ASMTL: variants seen among roughly 807,000 people sequenced by gnomAD.
The protein encoded by ASMTL is acetylserotonin O-methyltransferase like, also known as probable bifunctional dTTP/UTP pyrophosphatase/methyltransferase protein.
Under a neutral mutation model 60.3 loss-of-function variants are expected in ASMTL, and 57 were observed. The observed-to-expected ratio is 0.95, with a 90% CI of 0.76 to 1.18. ASMTL has a LOEUF of 1.18. ASMTL is among the 50% of genes most tolerant of loss of function. The pLI is 0.00. For synonymous variants in ASMTL, 419 were observed against 373.0 expected (o/e 1.12, Z -1.42); for missense variants, 981 against 852.6 (o/e 1.15, Z -1.88).
chrX:1,406,395 GAT>G (rs2089843618), intron 12 of ASMTL, among the ~76,000 whole-genome samples: 1 of 150,870 alleles, frequency 6.6e-6, no homozygotes, highest in African/African-American at 2.5e-5. Flanking sequence ...TAGGTAGGTA[GAT>G]GAATGGATGG....
chrX:1,439,076 A>G (rs2091044059), intron 3 of ASMTL, 21 bp downstream of exon 3: 2 of 1,613,604 alleles, frequency 1.2e-6, no homozygotes, highest in East Asian at 4.5e-5. Flanking sequence ...ATTAGAAACG[A>G]GGCACCCTGG....
intron 7 of ASMTL, among the ~76,000 whole-genome samples, chrX:1,425,888 C>T (rs747757934): frequency 1.0e-3 from 156 of 152,224 alleles, no homozygotes; most frequent in African/African-American, 3.6e-3. Context: ...AGCACATCAA[C>T]GAATATCATG....
chrX:1,442,351 T>C, intron 1 of ASMTL, 34 bp from the exon 2 acceptor site: 1 of 1,612,798 alleles, frequency 6.2e-7, no homozygotes, highest in African/African-American at 1.3e-5. Context: ...GAAGGGTCAA[T>C]GAAAGACCCT....
Position 1,431,126 on chromosome X carries a change from C to T in ASMTL, c.509+1143G>A, listed in dbSNP as rs867734502. ...ATAATTATATTTTATAATATATAATCATTTTATAATTATATATATAATTAT... is the reference window on the plus strand; with the variant it reads ...ATAATTATATTTTATAATATATAATTATTTTATAATTATATATATAATTAT... On this transcript the variant is annotated intron_variant, in intron 6 of 12. Coordinates refer to ENST00000381317, the MANE Select transcript of ASMTL (RefSeq NM_004192.4). Among the ~76,000 whole-genome samples, 600 of 121,038 alleles carry T rather than the reference C, an allele frequency of 5.0e-3. 7 individuals carry two copies. Among genetic ancestry groups the T allele is most frequent in the African/African-American group, 0.019 (563 of 30,390 alleles). The allele number at this position is 121,038 out of a possible 152,430, so 79.4% of individuals were successfully genotyped here.
intron 12 of ASMTL, among the ~76,000 whole-genome samples, chrX:1,407,732 T>A (rs1362572995): frequency 4.6e-5 from 7 of 151,474 alleles, no homozygotes; most frequent in East Asian, 1.9e-4. Flanking sequence ...TTATTTTTTT[T>A]AAAAAAGGAT....
chrX:1,440,176 T>A (rs1487435979), intron 2 of ASMTL, among the ~76,000 whole-genome samples: 1 of 150,884 alleles, frequency 6.6e-6, no homozygotes, highest in Non-Finnish European at 1.5e-5. Flanking sequence ...AAGCTCCGCC[T>A]CCCGGGTTCA....
Position 1,442,202 on chromosome X carries a change from G to C in ASMTL, c.209C>G (p.Ala70Gly). 6.2e-7 allele frequency: 1 copy of C among 1,613,714 alleles called. No homozygotes were observed. Among genetic ancestry groups the C allele is most frequent in the African/African-American group, 1.3e-5 (1 of 75,008 alleles). ...GCCCCTTGCCTGGTACAGCCGGTTGGCCACCTCCAGGGCCTTCTGCTTGGC... is the reference window on the plus strand; with the variant it reads ...GCCCCTTGCCTGGTACAGCCGGTTGCCCACCTCCAGGGCCTTCTGCTTGGC... ...ETAKQKALEV[A>G]NRLYQKDLRA... The change falls in exon 2 of 13, where the codon GCC (alanine) becomes GGC (glycine). Residue 70 changes from alanine to glycine, a missense_variant. Transcript: ENST00000381317.
intron 3 of ASMTL, among the ~76,000 whole-genome samples, chrX:1,437,989 A>G (rs1438170530): frequency 1.3e-4 from 20 of 149,814 alleles, no homozygotes; most frequent in African/African-American, 4.4e-4. Flanking sequence ...GGTGTTGTTA[A>G]AAGAAGGGGA....
At chrX:1,427,366 G>A (rs1479599369) in intron 7 of ASMTL, among the ~76,000 whole-genome samples, 5 of 152,130 alleles carry the variant, frequency 3.3e-5, no homozygotes, top group Non-Finnish European at 5.9e-5. Context: ...TTTTAAAAAG[G>A]GGTCTTGGCA....
chrX:1,415,732 C>A (rs1291639678), intron 11 of ASMTL, among the ~76,000 whole-genome samples: 1 of 152,230 alleles, frequency 6.6e-6, no homozygotes, highest in Non-Finnish European at 1.5e-5. Context: ...TCCCAGAGTG[C>A]TGGGATTACA....
chrX:1,437,885 G>C (rs1316200683), intron 3 of ASMTL, among the ~76,000 whole-genome samples: 1 of 141,484 alleles, frequency 7.1e-6, no homozygotes, highest in Admixed American at 6.9e-5. Context: ...GACAGAGTGA[G>C]ACTCCATCTC....
At chrX:1,415,089 C>T (rs1429746552) in intron 11 of ASMTL, among the ~76,000 whole-genome samples, 2 of 151,924 alleles carry the variant, frequency 1.3e-5, no homozygotes, top group Non-Finnish European at 2.9e-5. Flanking sequence ...TATAGGCACC[C>T]GCCACCATGC....
intron 12 of ASMTL, among the ~76,000 whole-genome samples, chrX:1,407,173 GTA>G (rs1404136817): frequency 6.9e-6 from 1 of 145,804 alleles, no homozygotes; most frequent in African/African-American, 2.6e-5. Flanking sequence ...ATGAATGGAT[GTA>G]TATAGATGGA....
chrX:1,451,076 T>G (rs1461632428), intron 1 of ASMTL, among the ~76,000 whole-genome samples: 4 of 130,170 alleles, frequency 3.1e-5, no homozygotes, highest in Non-Finnish European at 6.5e-5. Flanking sequence ...TACCTAGGGA[T>G]TCCGGATCAC....
intron 12 of ASMTL, among the ~76,000 whole-genome samples, chrX:1,411,973 G>A (rs1396355591): frequency 1.3e-5 from 2 of 151,808 alleles, no homozygotes; most frequent in East Asian, 2.0e-4. Flanking sequence ...TATCAAGCCC[G>A]GCTTATTTTT....
chrX:1,407,909 G>A (rs1271616028), intron 12 of ASMTL, among the ~76,000 whole-genome samples: 1 of 151,768 alleles, frequency 6.6e-6, no homozygotes, highest in Non-Finnish European at 1.5e-5. Flanking sequence ...AGAAGAGAGA[G>A]AAAGAGAGAC....
chrX:1,443,191 G>A (rs2091148876), intron 1 of ASMTL, among the ~76,000 whole-genome samples: 1 of 151,254 alleles, frequency 6.6e-6, no homozygotes, highest in Admixed American at 6.6e-5. Flanking sequence ...CGCCATCGTG[G>A]ACACACACTG....
In ASMTL at chrX:1,403,488, C is replaced by T; in HGVS notation, c.1647G>A (p.Gly549=). The change falls in exon 13 of 13, where the codon GGG becomes GGA. Residue 549 remains glycine (G), a splice_region_variant and synonymous_variant. Coordinates refer to ENST00000381317, the MANE Select transcript of ASMTL (RefSeq NM_004192.4). Reference sequence around the variant, plus strand: ...GCGTCTCCACCAGCAGCAGGCCGGCCCCTGAGGGAGACAGCAGAGAGCTGG... The same window carrying T: ...GCGTCTCCACCAGCAGCAGGCCGGCTCCTGAGGGAGACAGCAGAGAGCTGG... ...LSRVAESCKP[G]AGLLLVETLL... is the part of the protein sequence containing the mutation. 1.9e-6 allele frequency: 3 copies of T among 1,612,748 alleles called. No individual in the cohort carries two copies. The highest frequency in any genetic ancestry group is 2.5e-6 in the Non-Finnish European group (3 of 1,179,822).
chrX:1,436,174 C>T (rs1197309486), intron 3 of ASMTL, among the ~76,000 whole-genome samples: 40 of 152,106 alleles, frequency 2.6e-4, no homozygotes, highest in African/African-American at 8.9e-4. Flanking sequence ...TTCACAGCCT[C>T]GTTCCTTTCC....
Sources: gnomAD v4.1 joint callset for allele counts (sites outside exome capture counted in the v4.1 genomes callset) on GRCh38, gnomAD v4.1.1 for gene constraint, MANE v1.5 for transcripts, NCBI Gene and HGNC (gene_info 2026-07-23, HGNC 2026-07-21) for gene names.